Variants in CFAP52 observed in about 807,000 individuals in gnomAD.
The protein encoded by CFAP52 is cilia and flagella associated protein 52.
Under a neutral mutation model 70.5 loss-of-function variants are expected in CFAP52, and 57 were observed. That is an observed-to-expected ratio of 0.81 (90% CI 0.65 to 1.01). CFAP52 has a LOEUF of 1.01. Among genes scored for constraint, CFAP52 ranks in the 50% least tolerant of loss-of-function variants. The pLI is 0.00. For missense variants in CFAP52, 785 were observed against 788.5 expected, an observed-to-expected ratio of 1.00 and a Z score of 0.05; for synonymous variants, 267 against 292.5, an observed-to-expected ratio of 0.91 and a Z score of 0.89.
intron 8 of CFAP52, among the ~76,000 whole-genome samples, chr17:9,623,194 G>T (rs1203542988): frequency 6.6e-6 from 1 of 151,782 alleles, no homozygotes; most frequent in Non-Finnish European, 1.5e-5. Flanking sequence ...GTTCCTCTTT[G>T]TCTCTAGTAA....
chr17:9,614,157 CTTTTTT>C (rs11347755), intron 8 of CFAP52, among the ~76,000 whole-genome samples: 1 of 93,984 alleles, frequency 1.1e-5, no homozygotes, highest in African/African-American at 3.8e-5. Flanking sequence ...TTCTTTCTTT[CTTTTTT>C]TTTTTTTTTT....
In CFAP52 at chr17:9,598,214, TG is replaced by T; in HGVS notation, c.537-19del. On this transcript the variant is annotated intron_variant, in intron 4 of 13. Coordinates refer to ENST00000352665, the MANE Select transcript of CFAP52 (RefSeq NM_145054.5). The stretch of plus-strand genomic sequence containing the variant: ...GGGTGTCCATTTGATTGTGGTTTTT[TG>T]TTTTTTTTTTTTACATAGTGGGACA... 5 of 1,516,308 alleles carry T rather than the reference TG, an allele frequency of 3.3e-6. No homozygotes were observed. Among genetic ancestry groups the T allele is most frequent in the East Asian group, 2.3e-5 (1 of 42,578 alleles). The allele number at this position is 1,516,308 out of a possible 1,614,324, so 93.9% of individuals were successfully genotyped here. A position where few individuals can be genotyped will look rare whatever the true frequency, so the allele number is the denominator to read the frequency against.
Position 9,600,068 on chromosome 17 carries a change from T to C in CFAP52, c.638T>C (p.Val213Ala). 1 of 1,612,510 alleles carries C rather than the reference T, an allele frequency of 6.2e-7. No individual in the cohort carries two copies. The highest frequency in any genetic ancestry group is 1.1e-5 in the South Asian group (1 of 90,994). The stretch of plus-strand genomic sequence containing the variant: ...GATTTCTTTTTCTTGCTTCTTCAGG[T>C]GGATGATGATGATAGCTTTTTCTAC... ...QLKRIVMSIG[V>A]DDDDSFFYLG... The change falls in exon 6 of 14, where the codon GTG (valine) becomes GCG (alanine). Residue 213 changes from valine (V) to alanine (A), a missense_variant and splice_region_variant. Physicochemically the swap from Val to Ala is moderately conservative, Grantham distance 64. Coordinates refer to ENST00000352665, the MANE Select transcript of CFAP52 (RefSeq NM_145054.5).
At chr17:9,592,458 A>T (rs1908807615) in intron 3 of CFAP52, among the ~76,000 whole-genome samples, 1 of 152,112 alleles carries the variant, frequency 6.6e-6, no homozygotes, top group Non-Finnish European at 1.5e-5. Flanking sequence ...AACAAGAGCA[A>T]AACTCCGTCT....
chr17:9,642,495 A>T (rs550346897), intron 13 of CFAP52, among the ~76,000 whole-genome samples: 1 of 152,266 alleles, frequency 6.6e-6, no homozygotes, highest in Admixed American at 6.5e-5. Flanking sequence ...GTGGTGGTGC[A>T]CGCCTATAAT....
chr17:9,636,179 A>AAAGAAAGAAAG (rs1375570957), intron 11 of CFAP52, among the ~76,000 whole-genome samples: 7 of 99,122 alleles, frequency 7.1e-5, no homozygotes, highest in East Asian at 3.6e-4. Context: ...TGTCTCAAAA[A>AAAGAAAGAAAG]AAAGAAAGAA....
At chr17:9,641,369 A>G (rs900333409) in intron 12 of CFAP52, among the ~76,000 whole-genome samples, 3 of 152,116 alleles carry the variant, frequency 2.0e-5, no homozygotes, top group East Asian at 1.9e-4. Context: ...AAGGAAGAAA[A>G]TGCTTTTCCT....
chr17:9,584,599 T>TTCGAATATAC (rs61233470), intron 1 of CFAP52, among the ~76,000 whole-genome samples: 2 of 151,644 alleles, frequency 1.3e-5, no homozygotes. Context: ...TTTAGCAGAT[T>TTCGAATATAC]AATGCAGTAT....
intron 4 of CFAP52, among the ~76,000 whole-genome samples, chr17:9,594,898 T>TG (rs1555541463): frequency 6.7e-6 from 1 of 150,312 alleles, no homozygotes; most frequent in African/African-American, 2.4e-5. Flanking sequence ...GGAGGGTTTT[T>TG]TTTTTTTTTT....
At chr17:9,606,240 C>T (rs369328779) in intron 6 of CFAP52, among the ~76,000 whole-genome samples, 3 of 151,698 alleles carry the variant, frequency 2.0e-5, no homozygotes, top group Non-Finnish European at 4.4e-5. Context: ...AAAAATTAGC[C>T]GGCGTGGTGG....
rs758282672 is a variant in CFAP52 at position 9,608,119 on chromosome 17, G to A, written c.754G>A (p.Gly252Arg). Residue 252 changes from glycine to arginine, a missense_variant and splice_region_variant, in exon 7 of 14, where the codon GGA becomes AGA. Coordinates refer to ENST00000352665, the MANE Select transcript of CFAP52 (RefSeq NM_145054.5). ...VGPAKDKFSL[G>R]VSAIRCLKMG... ...TTCTTAACACAGTTTTTCCCCCTAG[G>A]GAGTGTCAGCTATCAGGTGCCTGAA... 6.2e-7 allele frequency: 1 copy of A among 1,611,150 alleles called. No individual in the cohort carries two copies. The highest frequency in any genetic ancestry group is 1.1e-5 in the South Asian group (1 of 90,642).
intron 2 of CFAP52, among the ~76,000 whole-genome samples, chr17:9,586,362 G>A (rs112644163): frequency 3.9e-5 from 6 of 152,170 alleles, no homozygotes; most frequent in East Asian, 1.9e-4. Flanking sequence ...TCAGGAGTTC[G>A]AGACCAGCCT....
chr17:9,581,036 G>A (rs931671306), intron 1 of CFAP52, among the ~76,000 whole-genome samples: 62 of 152,254 alleles, frequency 4.1e-4, no homozygotes, highest in African/African-American at 1.4e-3. Context: ...AAACTACGTG[G>A]CCAGGCGTGG....
chr17:9,597,144 C>T (rs966673127), intron 4 of CFAP52, among the ~76,000 whole-genome samples: 2 of 152,124 alleles, frequency 1.3e-5, no homozygotes, highest in Non-Finnish European at 2.9e-5. Context: ...TCCACAGCTG[C>T]GTAAAGTCAT....
chr17:9,586,937 A>T (rs1267429945), intron 3 of CFAP52, 103 bp downstream of exon 3: 1 of 1,339,762 alleles, frequency 7.5e-7, no homozygotes, highest in Non-Finnish European at 9.9e-7. Flanking sequence ...AACTTATGTC[A>T]CGGGTTTGTT....
chr17:9,616,151 G>A lies in CFAP52; in HGVS notation c.1025+3672G>A, dbSNP rs1240076027. On this transcript the variant is annotated intron_variant, in intron 8 of 13. Coordinates refer to ENST00000352665, the MANE Select transcript of CFAP52 (RefSeq NM_145054.5). ...AGGCCAGTGTGTGCGCGCACCGTGC[G>A]CGAGCCGAAGCAGGTCGAGGCATTG... Among the ~76,000 whole-genome samples, 8 of 142,036 alleles carry A rather than the reference G, an allele frequency of 5.6e-5. No individual in the cohort carries two copies. The East Asian group carries it at 5.9e-4, about 11-fold the overall frequency. 93.2% of individuals were successfully genotyped at this position (142,036 alleles called of 152,430 possible). A position where few individuals can be genotyped will look rare whatever the true frequency, so the allele number is the denominator to read the frequency against.
At chr17:9,640,677 A>G (rs1456694080) in intron 12 of CFAP52, among the ~76,000 whole-genome samples, 2 of 152,098 alleles carry the variant, frequency 1.3e-5, no homozygotes, top group African/African-American at 2.4e-5. Flanking sequence ...TTTGTCACCC[A>G]GGCTGGAGTG....
intron 1 of CFAP52, among the ~76,000 whole-genome samples, chr17:9,578,578 G>GGTGGAGTCTCGCT (rs1175478893): frequency 2.6e-5 from 4 of 152,086 alleles, no homozygotes; most frequent in Non-Finnish European, 5.9e-5. Flanking sequence ...ATTTTGAGAC[G>GGTGGAGTCTCGCT]GTGGAGTCTC....
chr17:9,615,437 G>T (rs1909865625), intron 8 of CFAP52, among the ~76,000 whole-genome samples: 1 of 151,986 alleles, frequency 6.6e-6, no homozygotes, highest in Admixed American at 6.6e-5. Flanking sequence ...TCTTTTAATA[G>T]AATTTAATTC....
Sources: gnomAD v4.1 joint callset for allele counts (sites outside exome capture counted in the v4.1 genomes callset) on GRCh38, gnomAD v4.1.1 for gene constraint, MANE v1.5 for transcripts, NCBI Gene and HGNC (gene_info 2026-07-23, HGNC 2026-07-21) for gene names.